CFAP20DC: variants seen among roughly 807,000 people sequenced by gnomAD.
The protein encoded by CFAP20DC is CFAP20 domain containing.
Under a neutral mutation model 101.7 loss-of-function variants are expected in CFAP20DC, and 84 were observed. That is an observed-to-expected ratio of 0.83 (90% CI 0.69 to 0.99). The LOEUF is 0.99. Ranked by LOEUF, CFAP20DC falls within the 50% of genes least tolerant of loss-of-function variation. The pLI is 0.00. For missense variants in CFAP20DC, 1,007 were observed against 970.3 expected (o/e 1.04, Z -0.50); for synonymous variants, 359 against 351.2 (o/e 1.02, Z -0.25).
At chr3:58,922,932 T>A (rs2085546668) in intron 5 of CFAP20DC, among the ~76,000 whole-genome samples, 1 of 152,158 alleles carries the variant, frequency 6.6e-6, no homozygotes, top group African/African-American at 2.4e-5. Flanking sequence ...CATAAAAGTA[T>A]ATTACCATCT....
intron 4 of CFAP20DC, among the ~76,000 whole-genome samples, chr3:59,030,101 G>A (rs1191246297): frequency 6.6e-6 from 1 of 152,154 alleles, no homozygotes; most frequent in Non-Finnish European, 1.5e-5. Flanking sequence ...GTATCTTTGT[G>A]AAACAAAATG....
intron 13 of CFAP20DC, among the ~76,000 whole-genome samples, chr3:58,832,244 C>T (rs2076448307): frequency 6.6e-6 from 1 of 152,144 alleles, no homozygotes; most frequent in African/African-American, 2.4e-5. Context: ...TAAACTGGGT[C>T]AGCTCCTTTA....
At chr3:59,008,899 C>T (rs994404718) in intron 4 of CFAP20DC, among the ~76,000 whole-genome samples, 44 of 151,560 alleles carry the variant, frequency 2.9e-4, no homozygotes, top group Middle Eastern at 3.4e-3. Flanking sequence ...AAACAGTAAA[C>T]AAATAAAGTG....
intron 5 of CFAP20DC, among the ~76,000 whole-genome samples, chr3:58,917,297 A>G (rs2084837457): frequency 6.6e-6 from 1 of 152,168 alleles, no homozygotes; most frequent in Non-Finnish European, 1.5e-5. Flanking sequence ...ACACACACAC[A>G]CACACCCCAC....
intron 7 of CFAP20DC, 129 bp from the exon 8 acceptor site, chr3:58,870,438 T>G: frequency 1.2e-6 from 1 of 822,332 alleles, no homozygotes; most frequent in South Asian, 1.7e-5. Context: ...TCAGCATGTA[T>G]TAAAAACACA....
intron 3 of CFAP20DC, chr3:58,727,886 A>G (rs1401259920): frequency 1.3e-5 from 2 of 152,214 alleles, no homozygotes; most frequent in Non-Finnish European, 2.9e-5. Flanking sequence ...AGCATCTTGA[A>G]CATTACAGTT....
chr3:58,836,726 A>C (rs1489705458), intron 13 of CFAP20DC, among the ~76,000 whole-genome samples: 3 of 152,136 alleles, frequency 2.0e-5, no homozygotes, highest in Non-Finnish European at 4.4e-5. Context: ...AAAAACTTTC[A>C]ATACAAGGAC....
chr3:58,858,174 A>T (rs1575976148), intron 12 of CFAP20DC, among the ~76,000 whole-genome samples: 1 of 152,256 alleles, frequency 6.6e-6, no homozygotes, highest in East Asian at 1.9e-4. Flanking sequence ...CAAATACAAA[A>T]TGCTTTTGAT....
intron 4 of CFAP20DC, among the ~76,000 whole-genome samples, chr3:59,027,494 C>T (rs1378665368): frequency 1.3e-5 from 2 of 152,084 alleles, no homozygotes; most frequent in African/African-American, 4.8e-5. Flanking sequence ...ACTTGCTGAG[C>T]TGCATGAAAA....
intron 15 of CFAP20DC, among the ~76,000 whole-genome samples, chr3:58,789,919 G>A (rs1329883536): frequency 6.6e-6 from 1 of 152,038 alleles, no homozygotes; most frequent in African/African-American, 2.4e-5. Context: ...TCATTCTACA[G>A]AAAGCTTACA....
intron 12 of CFAP20DC, among the ~76,000 whole-genome samples, chr3:58,856,011 A>G (rs1053203965): frequency 6.6e-6 from 1 of 151,892 alleles, no homozygotes; most frequent in South Asian, 2.1e-4. Context: ...AAAGAAAGAA[A>G]AAAAGGAATG....
At chr3:59,033,999 C>T (rs1479654138) in intron 4 of CFAP20DC, among the ~76,000 whole-genome samples, 1 of 152,196 alleles carries the variant, frequency 6.6e-6, no homozygotes, top group East Asian at 1.9e-4. Context: ...AACAATGGAT[C>T]TCTCTGCAGA....
intron 15 of CFAP20DC, among the ~76,000 whole-genome samples, chr3:58,778,512 C>T (rs958122180): frequency 2.6e-5 from 4 of 152,210 alleles, no homozygotes; most frequent in African/African-American, 9.7e-5. Context: ...CAGTGTGGAC[C>T]ACTTGGGTCC....
At chr3:58,782,138 G>A (rs2107577455) in intron 15 of CFAP20DC, among the ~76,000 whole-genome samples, 1 of 152,068 alleles carries the variant, frequency 6.6e-6, no homozygotes, top group East Asian at 1.9e-4. Flanking sequence ...CAGTAAATGT[G>A]ATACATCGCA....
At chr3:58,756,636 T>C (rs1037381662) in intron 15 of CFAP20DC, among the ~76,000 whole-genome samples, 1 of 152,014 alleles carries the variant, frequency 6.6e-6, no homozygotes, top group Non-Finnish European at 1.5e-5. Flanking sequence ...AGTCACATCC[T>C]CCTATCTCTT....
At chr3:58,941,040 A>G (rs2088484018) in intron 4 of CFAP20DC, among the ~76,000 whole-genome samples, 1 of 152,156 alleles carries the variant, frequency 6.6e-6, no homozygotes, top group Admixed American at 6.5e-5. Flanking sequence ...TCAAAATTTC[A>G]TTTCCCAGGG....
downstream of CFAP20DC, among the ~76,000 whole-genome samples, chr3:58,716,697 C>T (rs1012986289): frequency 6.6e-6 from 1 of 152,162 alleles, no homozygotes; most frequent in Non-Finnish European, 1.5e-5. Flanking sequence ...TCCCTATCTG[C>T]CACTGACATT....
intron 15 of CFAP20DC, among the ~76,000 whole-genome samples, chr3:58,758,636 C>T (rs2069196239): frequency 6.6e-6 from 1 of 152,098 alleles, no homozygotes; most frequent in African/African-American, 2.4e-5. Flanking sequence ...GTGCTGCACC[C>T]ATTAACTCGT....
Position 58,724,409 on chromosome 3 carries a change from G to C in CFAP20DC, c.198-6781C>G, listed in dbSNP as rs1367857610. Among the ~76,000 whole-genome samples the C allele has an allele frequency of 2.0e-5, 3 of 152,146 alleles. No homozygotes were observed. The highest frequency in any genetic ancestry group is 2.9e-5 in the Non-Finnish European group (2 of 68,042). On this transcript the variant is annotated intron_variant, in intron 3 of 3. Coordinates refer to the CFAP20DC transcript ENST00000486145. The surrounding 1 kb of genome is among the most constrained non-coding windows in gnomAD (Gnocchi z 5.6). Reference sequence around the variant, plus strand: ...AATAGCCCTCATGTTCCCATGCTTAGAGCGAGACCCTCTCTCTTATCTGTA... The same window carrying C: ...AATAGCCCTCATGTTCCCATGCTTACAGCGAGACCCTCTCTCTTATCTGTA...
Sources: gnomAD v4.1 joint callset for allele counts (sites outside exome capture counted in the v4.1 genomes callset) on GRCh38, gnomAD v4.1.1 for gene constraint, Gnocchi (gnomAD v3.1) non-coding constraint, MANE v1.5 for transcripts, NCBI Gene and HGNC (gene_info 2026-07-23, HGNC 2026-07-21) for gene names.